The following SLC26A7 variants were observed in gnomAD, a reference collection of about 807,000 sequenced individuals.
SLC26A7 encodes anion exchange transporter.
A neutral mutation model predicts 82.5 loss-of-function variants in SLC26A7; 59 were observed. The observed-to-expected ratio is 0.72, with a 90% confidence interval of 0.58 to 0.89. SLC26A7 has a LOEUF of 0.89. Ranked by LOEUF, SLC26A7 falls within the 40% of genes least tolerant of loss-of-function variation. SLC26A7 has a pLI of 0.00. For synonymous variants in SLC26A7, 271 were observed against 274.3 expected (o/e 0.99, Z 0.12); for missense variants, 820 against 793.0 (o/e 1.03, Z -0.41).
upstream of SLC26A7, among the ~76,000 whole-genome samples, chr8:91,244,417 T>C (rs1437485703): frequency 6.6e-6 from 1 of 151,940 alleles, no homozygotes; most frequent in Non-Finnish European, 1.5e-5. Context: ...TTTTTTATGA[T>C]TTCTTTGAAA....
intron 4 of SLC26A7, among the ~76,000 whole-genome samples, chr8:91,305,526 G>A (rs577719016): frequency 1.4e-4 from 22 of 152,174 alleles, no homozygotes; most frequent in Admixed American, 2.6e-4. Flanking sequence ...TATGACTATT[G>A]TTTTATTGAG....
chr8:91,343,498 T>A (rs769075627), intron 9 of SLC26A7, 32 bp downstream of exon 9: 13 of 1,500,432 alleles, frequency 8.7e-6, no homozygotes, highest in Non-Finnish European at 1.2e-5. Flanking sequence ...GACAAAGCAC[T>A]GCTGGGCCTT....
rs192823515 is a variant in SLC26A7, at chr8:91,220,758, G to A, written c.-34+1753G>A. ...TTCTTTATCCATTCTATCATTGATGGGCATTTTGGTTGGTTCCATGTCTTT... is the reference window on the plus strand; with the variant it reads ...TTCTTTATCCATTCTATCATTGATGAGCATTTTGGTTGGTTCCATGTCTTT... On this transcript the variant is annotated intron_variant, in intron 2 of 5. Transcript: ENST00000522862. Among the ~76,000 whole-genome samples, 3 of 152,258 alleles carry A rather than the reference G, an allele frequency of 2.0e-5. No individual in the cohort carries two copies. The East Asian group carries it at 5.8e-4, about 29-fold the overall frequency.
At chr8:91,342,106 A>G (rs1813436157) in intron 8 of SLC26A7, among the ~76,000 whole-genome samples, 3 of 147,986 alleles carry the variant, frequency 2.0e-5, no homozygotes, top group African/African-American at 5.0e-5. Flanking sequence ...TTTTTTTTTC[A>G]TTTTTTAAAC....
At chr8:91,333,925 GC>G (rs1813167076) in intron 5 of SLC26A7, among the ~76,000 whole-genome samples, 4 of 152,088 alleles carry the variant, frequency 2.6e-5, no homozygotes, top group Admixed American at 2.6e-4. Flanking sequence ...TTTGAGGAGG[GC>G]CCCAAAGTTG....
chr8:91,299,732 A>G (rs887571991), intron 4 of SLC26A7, among the ~76,000 whole-genome samples: 23 of 152,042 alleles, frequency 1.5e-4, no homozygotes, highest in African/African-American at 4.8e-4. Flanking sequence ...CAAGCTTTGT[A>G]TTTTTAATTT....
chr8:91,353,779 C>T (rs1813787784), intron 11 of SLC26A7, among the ~76,000 whole-genome samples: 7 of 151,984 alleles, frequency 4.6e-5, no homozygotes, highest in Admixed American at 3.9e-4. Flanking sequence ...TAATATTCCT[C>T]CTGGGGCTCA....
intron 2 of SLC26A7, among the ~76,000 whole-genome samples, chr8:91,260,864 T>C (rs569111201): frequency 1.1e-4 from 16 of 152,088 alleles, no homozygotes; most frequent in Non-Finnish European, 2.2e-4. Context: ...CTTAGAGTAA[T>C]AATGGTTGTC....
chr8:91,298,919 G>A (rs117528557), intron 4 of SLC26A7, among the ~76,000 whole-genome samples: 2 of 152,242 alleles, frequency 1.3e-5, no homozygotes, highest in East Asian at 1.9e-4. Flanking sequence ...ATTCCCTTCC[G>A]AAGGGGTTGT....
intron 15 of SLC26A7, among the ~76,000 whole-genome samples, chr8:91,383,430 G>A (rs1769954217): frequency 6.6e-6 from 1 of 152,046 alleles, no homozygotes; most frequent in African/African-American, 2.4e-5. Context: ...ATCTAGAAGT[G>A]ATTAAAGGAA....
At chr8:91,218,773 G>T in intron 1 of SLC26A7, 1 of 618,566 alleles carries the variant, frequency 1.6e-6, no homozygotes. Context: ...AGCATAAATA[G>T]AATAGTGCGT....
chr8:91,377,343 CA>C (rs1340380350), intron 15 of SLC26A7, among the ~76,000 whole-genome samples: 5 of 152,084 alleles, frequency 3.3e-5, no homozygotes, highest in African/African-American at 4.8e-5. Context: ...TCCTTTGTCC[CA>C]GGGGGGCTTT....
At chr8:91,338,710 C>A (rs1055269570) in intron 7 of SLC26A7, among the ~76,000 whole-genome samples, 1 of 152,050 alleles carries the variant, frequency 6.6e-6, no homozygotes, top group African/African-American at 2.4e-5. Flanking sequence ...CCCTAGCTGG[C>A]CTATAGCCTT....
At chr8:91,259,333 C>T (rs1437030578) in intron 2 of SLC26A7, among the ~76,000 whole-genome samples, 1 of 152,088 alleles carries the variant, frequency 6.6e-6, no homozygotes, top group Non-Finnish European at 1.5e-5. Context: ...TTTTGTACAT[C>T]ATCACTACTT....
chr8:91,332,714 T>C (rs984117842), intron 5 of SLC26A7, among the ~76,000 whole-genome samples: 2 of 151,656 alleles, frequency 1.3e-5, no homozygotes, highest in Non-Finnish European at 2.9e-5. Context: ...AAATTTTTCA[T>C]AGGGAAAGAG....
intron 9 of SLC26A7, among the ~76,000 whole-genome samples, chr8:91,346,303 A>T (rs1375113429): frequency 6.6e-6 from 1 of 152,112 alleles, no homozygotes; most frequent in Non-Finnish European, 1.5e-5. Context: ...GACCTTTAAC[A>T]TTGCAAGTGT....
At chr8:91,343,855 A>G (rs577130597) in intron 9 of SLC26A7, 82 of 362,142 alleles carry the variant, frequency 2.3e-4, no homozygotes, top group African/African-American at 1.6e-3. Context: ...TTTGACACTG[A>G]AAGTTCTATC....
At chr8:91,291,884 C>T (rs1048996299) in intron 3 of SLC26A7, among the ~76,000 whole-genome samples, 5 of 152,164 alleles carry the variant, frequency 3.3e-5, no homozygotes, top group Non-Finnish European at 5.9e-5. Flanking sequence ...TCTGTTAAGT[C>T]GAATGAGCTA....
At chr8:91,310,308 C>A (rs1394592179) in intron 4 of SLC26A7, among the ~76,000 whole-genome samples, 2 of 151,972 alleles carry the variant, frequency 1.3e-5, no homozygotes, top group African/African-American at 2.4e-5. Flanking sequence ...TGGGTCTTGG[C>A]CTTTAGCTAG....
Sources: allele counts gnomAD v4.1 joint callset (sites outside exome capture counted in the v4.1 genomes callset), GRCh38; gene constraint gnomAD v4.1.1; transcripts MANE v1.5; gene names NCBI Gene and HGNC (gene_info 2026-07-23, HGNC 2026-07-21).